PCDH15: variants seen among roughly 807,000 people sequenced by gnomAD.
PCDH15 encodes the protein protocadherin related 15, also known as protocadherin-15.
A neutral mutation model predicts 178.5 loss-of-function variants in PCDH15; 129 were observed. That is an observed-to-expected ratio of 0.72 (90% confidence interval 0.63 to 0.84). PCDH15 has a LOEUF of 0.84. Ranked by LOEUF, PCDH15 falls within the 40% of genes least tolerant of loss-of-function variation. PCDH15 has a pLI of 0.00. For missense variants in PCDH15, 2,230 were observed against 2,099.9 expected (o/e 1.06, Z -1.21); for synonymous variants, 800 against 732.0 (o/e 1.09, Z -1.50).
At chr10:54,880,525 C>T (rs866559617) in intron 3 of PCDH15, among the ~76,000 whole-genome samples, 20 of 151,026 alleles carry the variant, frequency 1.3e-4, no homozygotes, top group African/African-American at 4.4e-4. Context: ...TGTTTAAAAC[C>T]CTAAAGTTGG....
intron 5 of PCDH15, among the ~76,000 whole-genome samples, chr10:54,365,869 T>C (rs1301657714): frequency 2.0e-5 from 3 of 151,986 alleles, no homozygotes; most frequent in African/African-American, 7.3e-5. Flanking sequence ...GAATTAATAA[T>C]GTTTTGGTGA....
At chr10:53,872,637 C>T (rs1164793712) in intron 26 of PCDH15, among the ~76,000 whole-genome samples, 2 of 152,154 alleles carry the variant, frequency 1.3e-5, no homozygotes, top group Non-Finnish European at 2.9e-5. Context: ...AATAATCAGT[C>T]AGACTAGTGT....
intron 1 of PCDH15, among the ~76,000 whole-genome samples, chr10:54,779,460 G>GTGTGTATATATATACATATATA (rs1950083254): frequency 3.4e-5 from 1 of 29,366 alleles, no homozygotes; most frequent in Non-Finnish European, 7.9e-5. Flanking sequence ...ACTCATATAT[G>GTGTGTATATATATACATATATA]TGTGTATATA....
chr10:54,759,423 G>A (rs74136269), intron 1 of PCDH15, among the ~76,000 whole-genome samples: 11,651 of 152,046 alleles, frequency 0.077, 1,465 homozygotes, highest in African/African-American at 0.27. Context: ...TATTAATAAA[G>A]TTCTGTACTA....
In PCDH15 at chr10:54,348,874, A is replaced by G. The variant is rs532947609; in HGVS notation, c.475-2390T>C. ...AACCACTCTTATACTGTCTGCTGCA[A>G]TTACTTCAACTACTTTAGATTCCAC... On this transcript the variant is annotated intron_variant, in intron 5 of 37. Coordinates refer to ENST00000644397, the MANE Select transcript of PCDH15 (RefSeq NM_001384140.1). Among the ~76,000 whole-genome samples the G allele has an allele frequency of 2.4e-4, 37 of 152,266 alleles. No homozygotes were observed. The East Asian group carries it at 6.6e-3, about 27-fold the overall frequency.
chr10:54,232,198 T>C (rs1347042162), intron 9 of PCDH15, among the ~76,000 whole-genome samples: 1 of 152,184 alleles, frequency 6.6e-6, no homozygotes, highest in Non-Finnish European at 1.5e-5. Flanking sequence ...CTTGCTGTTC[T>C]GGTGACAGTG....
intron 2 of PCDH15, among the ~76,000 whole-genome samples, chr10:55,502,047 C>T (rs1320496266): frequency 2.6e-5 from 4 of 151,580 alleles, no homozygotes; most frequent in African/African-American, 9.7e-5. Context: ...TAGACCAAAA[C>T]TTTTGCAATA....
At position 54,256,541 on chromosome 10, in the gene PCDH15, A is replaced by T. The variant is rs2056911798; in HGVS notation, c.877-19610T>A. Among the ~76,000 whole-genome samples, 3 of 152,274 alleles carry T rather than the reference A, an allele frequency of 2.0e-5. No individual in the cohort carries two copies. In the South Asian group the frequency reaches 6.2e-4, roughly 32 times the overall value. On this transcript the variant is annotated intron_variant, in intron 8 of 37. Coordinates refer to ENST00000644397, the MANE Select transcript of PCDH15 (RefSeq NM_001384140.1). ...TCAAAAGCTTCAAGTAATAAGTAAT[A>T]TAGATTGAATCAGAATCTGACTTTG...
chr10:54,825,202 C>T (rs1357336889), intron 3 of PCDH15, among the ~76,000 whole-genome samples: 1 of 151,954 alleles, frequency 6.6e-6, no homozygotes, highest in African/African-American at 2.4e-5. Context: ...AGGACATGAA[C>T]TCATCATTTT....
At chr10:53,932,481 T>A (rs1355442440) in intron 25 of PCDH15, among the ~76,000 whole-genome samples, 1 of 152,226 alleles carries the variant, frequency 6.6e-6, no homozygotes, top group Non-Finnish European at 1.5e-5. Context: ...AAACATGGAT[T>A]TGCTGTGCTA....
intron 15 of PCDH15, among the ~76,000 whole-genome samples, chr10:54,110,398 T>C (rs2094997240): frequency 6.6e-6 from 1 of 151,698 alleles, no homozygotes; most frequent in South Asian, 2.1e-4. Context: ...TAGGTATATA[T>C]ATAAGTAAAC....
At chr10:54,477,703 C>T (rs1014508436) in intron 3 of PCDH15, among the ~76,000 whole-genome samples, 2 of 152,192 alleles carry the variant, frequency 1.3e-5, no homozygotes, top group Non-Finnish European at 2.9e-5. Flanking sequence ...TTCAACAATT[C>T]TCACGCCTGA....
intron 2 of PCDH15, among the ~76,000 whole-genome samples, chr10:54,631,353 T>TA (rs1374947053): frequency 5.3e-5 from 8 of 152,104 alleles, no homozygotes; most frequent in Non-Finnish European, 8.8e-5. Flanking sequence ...ATCTCTTTTT[T>TA]AAAAAAATTA....
rs1404904252 is a variant in PCDH15 at position 54,342,212 on chromosome 10, G to A, written c.594+4153C>T. On this transcript the variant is annotated intron_variant, in intron 6 of 37. Transcript: ENST00000644397. ...CATTTTAGGGATCTTCATGGCAGCC[G>A]CTCAAATCACAGGCCTGGAGGCCTA... 2.6e-5 allele frequency among the ~76,000 whole-genome samples: 4 copies of A among 152,128 alleles called. No individual in the cohort carries two copies. In the East Asian group the frequency reaches 5.8e-4, roughly 22 times the overall value.
At chr10:55,042,487 A>G (rs746891077) in intron 2 of PCDH15, among the ~76,000 whole-genome samples, 1 of 152,152 alleles carries the variant, frequency 6.6e-6, no homozygotes, top group Non-Finnish European at 1.5e-5. Flanking sequence ...TTAGTGATAC[A>G]TATTTTGCTG....
At chr10:54,576,146 TCTATCTAC>T (rs1246060147) in intron 2 of PCDH15, among the ~76,000 whole-genome samples, 1 of 147,006 alleles carries the variant, frequency 6.8e-6, no homozygotes, top group Admixed American at 6.7e-5. Context: ...CATCTATCTA[TCTATCTAC>T]CTACCTATCT....
chr10:54,177,954 C>T (rs2133728678), intron 13 of PCDH15, among the ~76,000 whole-genome samples: 1 of 152,152 alleles, frequency 6.6e-6, no homozygotes, highest in Admixed American at 6.5e-5. Context: ...GAGGTCATTA[C>T]AGGGCATTTA....
chr10:54,964,445 T>A (rs1474902402), intron 2 of PCDH15, among the ~76,000 whole-genome samples: 1 of 152,172 alleles, frequency 6.6e-6, no homozygotes, highest in Non-Finnish European at 1.5e-5. Context: ...TTCCTGCCAA[T>A]TTTGTAGGAG....
At chr10:53,946,439 T>A (rs36057687) in intron 23 of PCDH15, among the ~76,000 whole-genome samples, 12,790 of 152,258 alleles carry the variant, frequency 0.084, 577 homozygotes, top group East Asian at 0.11. Context: ...TTACTGCCTC[T>A]ATATGTTTAA....
Sources: allele counts gnomAD v4.1 joint callset (sites outside exome capture counted in the v4.1 genomes callset), GRCh38; gene constraint gnomAD v4.1.1; transcripts MANE v1.5; gene names NCBI Gene and HGNC (gene_info 2026-07-23, HGNC 2026-07-21).